Variants in SERINC5 observed in about 807,000 individuals in gnomAD.
SERINC5 encodes chromosome 5 open reading frame 12.
SERINC5 carries 41 observed loss-of-function variants against 63.1 expected under a neutral mutation model. That is an observed-to-expected ratio of 0.65 (90% CI 0.51 to 0.84). The LOEUF is 0.84. Ranked by LOEUF, SERINC5 falls within the 40% of genes least tolerant of loss-of-function variation. The pLI is 0.00. For synonymous variants in SERINC5, 222 were observed against 215.2 expected (o/e 1.03, Z -0.28); for missense variants, 523 against 573.0 (o/e 0.91, Z 0.89).
At position 80,243,362 on chromosome 5, in the gene SERINC5, A is replaced by G. The variant is rs141699711; in HGVS notation, c.27+12534T>C. Among the ~76,000 whole-genome samples the G allele has an allele frequency of 3.3e-3, 499 of 152,264 alleles. 9 individuals are homozygous for G. The highest frequency in any genetic ancestry group is 0.02 in the Admixed American group (313 of 15,272). ...ATTTGCATCCCTTCAACAATCACTA[A>G]TATTGTTAAAGGGGATTTTATCTCT... is the stretch of plus-strand genomic sequence containing the variant. On this transcript the variant is annotated intron_variant, in intron 1 of 11. Transcript: ENST00000507668.
At chr5:80,216,683 A>G (rs7705992) in intron 1 of SERINC5, among the ~76,000 whole-genome samples, 28,277 of 151,850 alleles carry the variant, frequency 0.19, 3,273 homozygotes, top group African/African-American at 0.33. Context: ...GGGAGAAAAC[A>G]AAAGTACCCA....
At chr5:80,119,516 T>C (rs995194798) in intron 11 of SERINC5, among the ~76,000 whole-genome samples, 2 of 152,236 alleles carry the variant, frequency 1.3e-5, no homozygotes, top group Non-Finnish European at 2.9e-5. Context: ...CACATAGAAC[T>C]AACTGCACTC....
At chr5:80,245,171 C>T (rs577362043) in intron 1 of SERINC5, among the ~76,000 whole-genome samples, 1 of 152,166 alleles carries the variant, frequency 6.6e-6, no homozygotes, top group Admixed American at 6.6e-5. Context: ...TTAGGCTTTC[C>T]TTCTCGTACT....
At chr5:80,212,804 T>G (rs1750496835) in intron 1 of SERINC5, among the ~76,000 whole-genome samples, 1 of 151,974 alleles carries the variant, frequency 6.6e-6, no homozygotes, top group Admixed American at 6.6e-5. Flanking sequence ...AATAAAGGAG[T>G]GTTTTACTGA....
At chr5:80,252,366 G>A (rs1368244763) in intron 1 of SERINC5, among the ~76,000 whole-genome samples, 1 of 151,988 alleles carries the variant, frequency 6.6e-6, no homozygotes, top group African/African-American at 2.4e-5. Flanking sequence ...AGCCTGCACT[G>A]TCATTTTCTG....
intron 1 of SERINC5, among the ~76,000 whole-genome samples, chr5:80,242,137 C>T (rs1751965930): frequency 6.6e-6 from 1 of 151,642 alleles, no homozygotes; most frequent in Non-Finnish European, 1.5e-5. Context: ...TCTGAAAACA[C>T]AACAAAACAA....
intron 1 of SERINC5, among the ~76,000 whole-genome samples, chr5:80,208,439 G>GC (rs139908438): frequency 5.3e-5 from 8 of 151,466 alleles, no homozygotes; most frequent in Admixed American, 2.6e-4. Flanking sequence ...AACAGTGCCT[G>GC]CCCCCCCAAA....
chr5:80,129,544 C>G (rs1396446043), intron 11 of SERINC5, among the ~76,000 whole-genome samples: 1 of 152,112 alleles, frequency 6.6e-6, no homozygotes, highest in Non-Finnish European at 1.5e-5. Context: ...CCTGGCCTCA[C>G]GTGATCCTCC....
intron 2 of SERINC5, among the ~76,000 whole-genome samples, chr5:80,194,099 G>A (rs1435143686): frequency 6.6e-6 from 1 of 152,174 alleles, no homozygotes; most frequent in Non-Finnish European, 1.5e-5. Context: ...AGGTACAACA[G>A]TACCATGAAC....
At chr5:80,136,187 G>A (rs1033078311), downstream of SERINC5, among the ~76,000 whole-genome samples, 4 of 152,112 alleles carry the variant, frequency 2.6e-5, no homozygotes, top group Admixed American at 2.6e-4. Flanking sequence ...GGAGGCTGGG[G>A]TGGAACAATC....
At chr5:80,234,068 C>T (rs1438076975) in intron 1 of SERINC5, among the ~76,000 whole-genome samples, 1 of 152,108 alleles carries the variant, frequency 6.6e-6, no homozygotes, top group Non-Finnish European at 1.5e-5. Flanking sequence ...TCTCAGCCTC[C>T]CAAAGTGCTG....
rs555364737 is a variant in SERINC5, at chr5:80,240,236, T to G, written c.27+15660A>C. Among the ~76,000 whole-genome samples, 21 of 152,212 alleles carry G rather than the reference T, an allele frequency of 1.4e-4. No individual in the cohort carries two copies. The South Asian group carries it at 3.9e-3, about 29-fold the overall frequency. On this transcript the variant is annotated intron_variant, in intron 1 of 11. Coordinates refer to ENST00000507668, the MANE Select transcript of SERINC5 (RefSeq NM_001174072.3). The stretch of plus-strand genomic sequence containing the variant: ...GTGCACTGAGTCACACCAAACACAT[T>G]TGATGTTACAACTTTCCATCCAATT...
intron 8 of SERINC5, among the ~76,000 whole-genome samples, chr5:80,155,029 GA>G (rs958648163): frequency 1.2e-4 from 18 of 152,182 alleles, no homozygotes; most frequent in African/African-American, 4.3e-4. Context: ...AAGGTTGCCC[GA>G]AGTTGGGAGT....
In SERINC5 at chr5:80,230,795, TTCTC is replaced by T. The variant is rs72030629; in HGVS notation, c.27+25097_27+25100del. Among the ~76,000 whole-genome samples, 392 of 119,444 alleles carry T rather than the reference TTCTC, an allele frequency of 3.3e-3. 1 individual carries two copies. Among genetic ancestry groups the T allele is most frequent in the African/African-American group, 0.011 (377 of 34,346 alleles). The allele number at this position is 119,444 out of a possible 152,430, so 78.4% of individuals were successfully genotyped here. On this transcript the variant is annotated intron_variant, in intron 1 of 11. Transcript: ENST00000507668. ...ATAATTTCTCTCTTTCTTTCTTTCT[TTCTC>T]TCTCTCTCTCTTTCCTTTCTTTCTC... is the stretch of plus-strand genomic sequence containing the variant.
At position 80,146,245 on chromosome 5, in the gene SERINC5, C is replaced by G. The variant is rs955027086; in HGVS notation, c.1094-11G>C. 1 of 1,613,804 alleles carries G rather than the reference C, an allele frequency of 6.2e-7. No homozygotes were observed. Among genetic ancestry groups the G allele is most frequent in the African/African-American group, 1.3e-5 (1 of 75,046 alleles). ...GCTGCTCTTCAGTGTCTGTGAAGCA[C>G]AGAGGGAGCCCAGGCTCAATGAGTG... On this transcript the variant is annotated splice_polypyrimidine_tract_variant and intron_variant, in intron 10 of 11. Coordinates refer to ENST00000507668, the MANE Select transcript of SERINC5 (RefSeq NM_001174072.3).
chr5:80,119,400 G>C (rs1744455654), intron 11 of SERINC5, among the ~76,000 whole-genome samples: 1 of 152,268 alleles, frequency 6.6e-6, no homozygotes, highest in Non-Finnish European at 1.5e-5. Flanking sequence ...GATTCCACAG[G>C]GATCTAAAGG....
chr5:80,164,861 C>T (rs1296688635), intron 7 of SERINC5, among the ~76,000 whole-genome samples: 1 of 145,436 alleles, frequency 6.9e-6, no homozygotes, highest in East Asian at 2.0e-4. Flanking sequence ...TATTCTTAGG[C>T]TAATTAAAAA....
At chr5:80,182,540 GACC>G (rs1216558867) in intron 2 of SERINC5, among the ~76,000 whole-genome samples, 1 of 77,478 alleles carries the variant, frequency 1.3e-5, no homozygotes, top group African/African-American at 7.2e-5. Flanking sequence ...TCTATCATCT[GACC>G]GCCCCCCCCC....
At chr5:80,248,602 C>G (rs1752258909) in intron 1 of SERINC5, among the ~76,000 whole-genome samples, 1 of 152,222 alleles carries the variant, frequency 6.6e-6, no homozygotes, top group Non-Finnish European at 1.5e-5. Flanking sequence ...CCGTATTTAG[C>G]CAACATCAAC....
Sources: gnomAD v4.1 joint callset for allele counts (sites outside exome capture counted in the v4.1 genomes callset) on GRCh38, gnomAD v4.1.1 for gene constraint, MANE v1.5 for transcripts, NCBI Gene and HGNC (gene_info 2026-07-23, HGNC 2026-07-21) for gene names.